The following MLIP variants were observed in gnomAD, a reference collection of about 807,000 sequenced individuals.
MLIP encodes the protein muscular LMNA-interacting protein.
Under a neutral mutation model 84.8 loss-of-function variants are expected in MLIP, and 79 were observed. That is an observed-to-expected ratio of 0.93 (90% CI 0.78 to 1.12). The LOEUF (loss-of-function observed/expected upper bound fraction) is 1.12, where lower values mean the gene tolerates loss of function less well. Ranked by LOEUF, MLIP falls within the 50% of genes most tolerant of loss-of-function variation. The probability of loss-of-function intolerance (pLI) is 0.00; values close to 1 mark genes in which losing one functional copy is unlikely to be tolerated. For missense variants in MLIP, 1,257 were observed against 1,160.6 expected, an observed-to-expected ratio of 1.08 and a Z score of -1.21; for synonymous variants, 504 against 463.0, an observed-to-expected ratio of 1.09 and a Z score of -1.14.
At chr6:54,020,393 T>C (rs141724011) in intron 1 of MLIP, among the ~76,000 whole-genome samples, 26 of 152,270 alleles carry the variant, frequency 1.7e-4, no homozygotes, top group African/African-American at 6.3e-4. Flanking sequence ...TTAAAATGCA[T>C]TTAAAAGTAA....
At chr6:54,262,468 G>A (rs1783449493) in intron 13 of MLIP, among the ~76,000 whole-genome samples, 1 of 152,000 alleles carries the variant, frequency 6.6e-6, no homozygotes, top group African/African-American at 2.4e-5. Context: ...TTCATCTTAA[G>A]TTCACCTGGA....
intron 1 of MLIP, among the ~76,000 whole-genome samples, chr6:54,033,011 A>C (rs1252478846): frequency 6.6e-6 from 1 of 152,206 alleles, no homozygotes; most frequent in Non-Finnish European, 1.5e-5. Context: ...TTGATCCAGT[A>C]GTCTAAATAT....
intron 5 of MLIP, among the ~76,000 whole-genome samples, chr6:54,157,632 T>C (rs1427377237): frequency 6.6e-6 from 1 of 152,066 alleles, no homozygotes; most frequent in East Asian, 1.9e-4. Context: ...ATTTTATCTG[T>C]ACAGTGTCAA....
intron 1 of MLIP, among the ~76,000 whole-genome samples, chr6:54,089,980 C>T (rs1305993725): frequency 1.3e-5 from 2 of 152,124 alleles, no homozygotes; most frequent in Non-Finnish European, 2.9e-5. Flanking sequence ...TCTTTTCTGA[C>T]AATACCTCTC....
chr6:54,167,385 TGTCTTA>T (rs1484647900), intron 8 of MLIP, among the ~76,000 whole-genome samples: 4 of 152,028 alleles, frequency 2.6e-5, no homozygotes, highest in African/African-American at 9.6e-5. Flanking sequence ...AGCATGCCCC[TGTCTTA>T]GCACATTTAG....
intron 5 of MLIP, among the ~76,000 whole-genome samples, chr6:54,159,702 C>A (rs1279597782): frequency 6.6e-6 from 1 of 151,936 alleles, no homozygotes; most frequent in Non-Finnish European, 1.5e-5. Context: ...AGGGGAGAAT[C>A]TGGAAAAGAG....
intron 11 of MLIP, among the ~76,000 whole-genome samples, chr6:54,220,981 A>G (rs1471589789): frequency 6.6e-6 from 1 of 152,172 alleles, no homozygotes; most frequent in Non-Finnish European, 1.5e-5. Context: ...GTTCATGAGA[A>G]GGATTATGAA....
chr6:54,178,326 T>C (rs1776510221), intron 9 of MLIP, among the ~76,000 whole-genome samples: 1 of 152,128 alleles, frequency 6.6e-6, no homozygotes, highest in East Asian at 1.9e-4. Context: ...TTAGTCTGCC[T>C]AAAGATTTGT....
At position 54,112,303 on chromosome 6, in the gene MLIP, G is replaced by T. The variant is rs143986794; in HGVS notation, c.96+728G>T. On this transcript the variant is annotated intron_variant, in intron 1 of 13. Coordinates refer to ENST00000502396, the MANE Select transcript of MLIP (RefSeq NM_001281747.2). ...TTTTTTTGTTCTCTCCTAAACAAGGGATTAAATAGTCTACTGGCTAATATG... is the reference window on the plus strand; with the variant it reads ...TTTTTTTGTTCTCTCCTAAACAAGGTATTAAATAGTCTACTGGCTAATATG... 2.0e-5 allele frequency among the ~76,000 whole-genome samples: 3 copies of T among 152,294 alleles called. No homozygotes were observed. The East Asian group carries it at 5.8e-4, about 29-fold the overall frequency.
At chr6:54,244,263 TA>T (rs1781928384) in intron 12 of MLIP, among the ~76,000 whole-genome samples, 1 of 152,172 alleles carries the variant, frequency 6.6e-6, no homozygotes, top group Non-Finnish European at 1.5e-5. Context: ...GACAAGTTTT[TA>T]AAGATAATGG....
intron 1 of MLIP, among the ~76,000 whole-genome samples, chr6:54,076,193 C>T (rs1466442681): frequency 6.6e-6 from 1 of 152,082 alleles, no homozygotes; most frequent in Admixed American, 6.5e-5. Context: ...CCCCATGAGC[C>T]GAAATCAATA....
intron 1 of MLIP, among the ~76,000 whole-genome samples, chr6:54,042,953 T>C (rs1460246266): frequency 6.6e-6 from 1 of 152,120 alleles, no homozygotes; most frequent in African/African-American, 2.4e-5. Flanking sequence ...AAAGGAAACA[T>C]AAATATAAAG....
chr6:54,197,382 A>G (rs1778372806), intron 10 of MLIP, among the ~76,000 whole-genome samples: 1 of 152,146 alleles, frequency 6.6e-6, no homozygotes, highest in South Asian at 2.1e-4. Flanking sequence ...TTTTATCTCT[A>G]TAGACACTAT....
intron 8 of MLIP, among the ~76,000 whole-genome samples, chr6:54,161,961 A>G (rs1409881141): frequency 1.3e-5 from 2 of 151,948 alleles, no homozygotes; most frequent in African/African-American, 4.8e-5. Context: ...AAATATAATG[A>G]GAATAGGATT....
chr6:54,093,025 C>T (rs1561923544), intron 1 of MLIP, among the ~76,000 whole-genome samples: 2 of 152,086 alleles, frequency 1.3e-5, no homozygotes, highest in Non-Finnish European at 1.5e-5. Flanking sequence ...TACAGGCATG[C>T]ACCACCATGC....
At chr6:54,243,747 A>G (rs966049053) in intron 12 of MLIP, among the ~76,000 whole-genome samples, 1 of 151,960 alleles carries the variant, frequency 6.6e-6, no homozygotes, top group Non-Finnish European at 1.5e-5. Context: ...TTTCACCATC[A>G]CCACCACCCG....
At chr6:54,096,034 C>CA (rs1301359208) in intron 1 of MLIP, among the ~76,000 whole-genome samples, 1 of 152,044 alleles carries the variant, frequency 6.6e-6, no homozygotes, top group Non-Finnish European at 1.5e-5. Context: ...TTCTGCACAA[C>CA]AAAAAACTTA....
chr6:54,120,398 C>G (rs1469862353), intron 1 of MLIP, among the ~76,000 whole-genome samples: 1 of 12,622 alleles, frequency 7.9e-5, no homozygotes, highest in Non-Finnish European at 1.4e-3. Flanking sequence ...CCACGCCCGG[C>G]TCATTTTTTT....
intron 5 of MLIP, among the ~76,000 whole-genome samples, chr6:54,150,573 G>T (rs1030220087): frequency 6.6e-6 from 1 of 152,208 alleles, no homozygotes; most frequent in African/African-American, 2.4e-5. Context: ...AGGCAAAGAG[G>T]AGATGAGGAG....
Sources: allele counts gnomAD v4.1 joint callset (sites outside exome capture counted in the v4.1 genomes callset), GRCh38; gene constraint gnomAD v4.1.1; transcripts MANE v1.5; gene names NCBI Gene and HGNC (gene_info 2026-07-23, HGNC 2026-07-21).